Variants in SDC2 observed in about 807,000 individuals in gnomAD.
SDC2 encodes the protein syndecan 2.
A neutral mutation model predicts 22.2 loss-of-function variants in SDC2; 13 were observed. That is an observed-to-expected ratio of 0.59 (90% CI 0.38 to 0.93). The LOEUF (loss-of-function observed/expected upper bound fraction) is 0.93. SDC2 is among the 40% of genes least tolerant of loss of function. The pLI is 0.00. For synonymous variants in SDC2, 94 were observed against 92.8 expected (o/e 1.01, Z -0.07); for missense variants, 235 against 246.8 (o/e 0.95, Z 0.32).
chr8:96,538,744 A>G (rs1295347554), intron 1 of SDC2: 2 of 152,272 alleles, frequency 1.3e-5, no homozygotes, highest in East Asian at 3.8e-4. Context: ...AATTCAATCA[A>G]ATCTTCAGAA....
intron 4 of SDC2, among the ~76,000 whole-genome samples, chr8:96,608,864 A>G (rs990087844): frequency 2.0e-5 from 3 of 152,226 alleles, no homozygotes; most frequent in African/African-American, 7.2e-5. Context: ...AGTACTGCCC[A>G]AAGTGTTAAG....
intron 1 of SDC2, among the ~76,000 whole-genome samples, chr8:96,530,896 C>A: frequency 6.6e-6 from 1 of 152,138 alleles, no homozygotes; most frequent in East Asian, 1.9e-4. Context: ...TAAGATGGAC[C>A]TCAGGGTCAT....
intron 2 of SDC2, among the ~76,000 whole-genome samples, chr8:96,595,053 C>T (rs929973314): frequency 3.9e-5 from 6 of 151,916 alleles, no homozygotes; most frequent in Admixed American, 1.3e-4. Flanking sequence ...CCAAGAAGCT[C>T]AAAAAAGGGA....
At chr8:96,540,357 A>ATATATATATAT (rs1220674689) in intron 1 of SDC2, among the ~76,000 whole-genome samples, 3 of 82,110 alleles carry the variant, frequency 3.7e-5, no homozygotes, top group Admixed American at 2.2e-4. Flanking sequence ...TATATATATA[A>ATATATATATAT]AAATTAGTCG....
At chr8:96,497,896 C>T in intron 1 of SDC2, among the ~76,000 whole-genome samples, 1 of 152,210 alleles carries the variant, frequency 6.6e-6, no homozygotes. Flanking sequence ...TTTTCTTCTT[C>T]CCAAGGCAGA....
intron 1 of SDC2, among the ~76,000 whole-genome samples, chr8:96,523,956 G>T (rs1012853575): frequency 6.6e-6 from 1 of 152,162 alleles, no homozygotes; most frequent in Non-Finnish European, 1.5e-5. Context: ...CACAATGGTG[G>T]TGTTGTTTTA....
chr8:96,502,861 A>G (rs1300993716), intron 1 of SDC2, among the ~76,000 whole-genome samples: 1 of 152,230 alleles, frequency 6.6e-6, no homozygotes, highest in Admixed American at 6.5e-5. Flanking sequence ...GTTGTGTCAC[A>G]TGCTAGTTAT....
chr8:96,527,130 T>C, intron 1 of SDC2, among the ~76,000 whole-genome samples: 1 of 152,160 alleles, frequency 6.6e-6, no homozygotes. Flanking sequence ...GCTTAGTAAA[T>C]ACTGCACTCC....
chr8:96,581,344 GA>G (rs1306480059), intron 1 of SDC2, among the ~76,000 whole-genome samples: 1 of 152,054 alleles, frequency 6.6e-6, no homozygotes, highest in Non-Finnish European at 1.5e-5. Context: ...AGTACTATAT[GA>G]GGGCTGGGCA....
chr8:96,534,497 C>G (rs1400097237), intron 1 of SDC2, among the ~76,000 whole-genome samples: 6 of 152,132 alleles, frequency 3.9e-5, no homozygotes, highest in Non-Finnish European at 8.8e-5. Context: ...TACAGTGATG[C>G]GATGATAACT....
intron 1 of SDC2, among the ~76,000 whole-genome samples, chr8:96,558,732 A>G (rs1814160712): frequency 6.6e-6 from 1 of 152,156 alleles, no homozygotes; most frequent in Non-Finnish European, 1.5e-5. Context: ...GGAAATATTA[A>G]ATAACATTAC....
At chr8:96,577,003 A>G (rs1342499708) in intron 1 of SDC2, among the ~76,000 whole-genome samples, 1 of 152,198 alleles carries the variant, frequency 6.6e-6, no homozygotes, top group Admixed American at 6.5e-5. Context: ...GGCTAGGTGG[A>G]TGGAACGGTG....
intron 1 of SDC2, among the ~76,000 whole-genome samples, chr8:96,562,613 C>T (rs567382657): frequency 6.6e-6 from 1 of 152,324 alleles, no homozygotes; most frequent in African/African-American, 2.4e-5. Flanking sequence ...CTAATGCACT[C>T]ATTCTAACTG....
At chr8:96,530,902 G>T (rs996551754) in intron 1 of SDC2, among the ~76,000 whole-genome samples, 1 of 152,138 alleles carries the variant, frequency 6.6e-6, no homozygotes, top group African/African-American at 2.4e-5. Context: ...GGACCTCAGG[G>T]TCATCTAATC....
At chr8:96,525,201 G>A (rs1248269868) in intron 1 of SDC2, among the ~76,000 whole-genome samples, 5 of 152,160 alleles carry the variant, frequency 3.3e-5, no homozygotes, top group Admixed American at 2.0e-4. Context: ...TGAGGCTTCC[G>A]GTTGATGTGT....
chr8:96,520,360 A>G (rs1233646327), intron 1 of SDC2, among the ~76,000 whole-genome samples: 1 of 152,218 alleles, frequency 6.6e-6, no homozygotes, highest in African/African-American at 2.4e-5. Flanking sequence ...AGATCTATAC[A>G]TTTAGCAGTT....
At chr8:96,586,744 C>T (rs1814693730) in intron 1 of SDC2, among the ~76,000 whole-genome samples, 1 of 152,162 alleles carries the variant, frequency 6.6e-6, no homozygotes, top group Non-Finnish European at 1.5e-5. Flanking sequence ...TTCATGTAAC[C>T]TGATTATTTT....
intron 1 of SDC2, among the ~76,000 whole-genome samples, chr8:96,527,153 G>C (rs1813590197): frequency 6.6e-6 from 1 of 152,164 alleles, no homozygotes; most frequent in African/African-American, 2.4e-5. Flanking sequence ...AGGGGGAAGA[G>C]GGCAGGCACG....
chr8:96,565,083 G>GTTTTTTTTTTTTTTTTTTTTTTTTTTT (rs1563663668), intron 1 of SDC2, among the ~76,000 whole-genome samples: 1 of 15,922 alleles, frequency 6.3e-5, no homozygotes, highest in African/African-American at 2.6e-4. Context: ...TCCTAAATTT[G>GTTTTTTTTTTTTTTTTTTTTTTTTTTT]ATTTTTTTTT....
Sources: allele counts gnomAD v4.1 joint callset (sites outside exome capture counted in the v4.1 genomes callset), GRCh38; gene constraint gnomAD v4.1.1; transcripts MANE v1.5; gene names NCBI Gene and HGNC (gene_info 2026-07-23, HGNC 2026-07-21).